DPY19L1: variants seen among roughly 807,000 people sequenced by gnomAD.
DPY19L1 encodes dpy-19 like C-mannosyltransferase 1.
DPY19L1 carries 35 observed loss-of-function variants against 96.9 expected under a neutral mutation model. That is an observed-to-expected ratio of 0.36 (90% CI 0.28 to 0.48). DPY19L1 has a LOEUF of 0.48. Among genes scored for constraint, DPY19L1 ranks in the 20% least tolerant of loss-of-function variants. The pLI is 0.99. For missense variants in DPY19L1, 521 were observed against 777.9 expected (o/e 0.67, Z 3.93); for synonymous variants, 205 against 252.6 (o/e 0.81, Z 1.79).
intron 6 of DPY19L1, among the ~76,000 whole-genome samples, chr7:34,993,935 G>A (rs958795620): frequency 4.6e-5 from 7 of 151,982 alleles, no homozygotes; most frequent in Admixed American, 1.3e-4. Flanking sequence ...GTGTGGTGGC[G>A]CACAACTGTA....
At chr7:35,027,570 C>T (rs1232494023) in intron 1 of DPY19L1, among the ~76,000 whole-genome samples, 1 of 151,596 alleles carries the variant, frequency 6.6e-6, no homozygotes, top group Admixed American at 6.6e-5. Context: ...TGGCTCACGC[C>T]TGTAATCCCA....
intron 1 of DPY19L1, among the ~76,000 whole-genome samples, chr7:35,035,658 T>C (rs572307396): frequency 7.9e-5 from 12 of 152,222 alleles, no homozygotes; most frequent in African/African-American, 2.9e-4. Flanking sequence ...TATCTTCCCA[T>C]GTATCACCCA....
chr7:34,959,912 T>A (rs2392297), intron 10 of DPY19L1, among the ~76,000 whole-genome samples: 1,114 of 13,600 alleles, frequency 0.082, 22 homozygotes, highest in African/African-American at 0.39. Flanking sequence ...TATATATATA[T>A]ATATATATAT....
At chr7:35,037,834 C>G (rs1263195213), upstream of DPY19L1, 3 of 1,230,932 alleles carry the variant, frequency 2.4e-6, no homozygotes, top group Non-Finnish European at 3.0e-6. Flanking sequence ...GGCGCCCGCG[C>G]GGGGCTCGGC....
At position 34,930,222 on chromosome 7, in the gene DPY19L1, A is replaced by G. The variant is rs1345258251; in HGVS notation, c.*1351T>C. 1 of 152,274 alleles carries G rather than the reference A, an allele frequency of 6.6e-6. No individual in the cohort carries two copies. The highest frequency in any genetic ancestry group is 1.5e-5 in the Non-Finnish European group (1 of 68,054). 9.4% of individuals were successfully genotyped at this position (152,274 alleles called of 1,614,324 possible). A position where few individuals can be genotyped will look rare whatever the true frequency, so the allele number is the denominator to read the frequency against. ...TGTCAGCCATAGTCACGCTTTGCTT[A>G]GAATTTAAAACCCTAAAACCTTTTC... On this transcript the variant is annotated 3_prime_UTR_variant, in exon 22 of 22. Transcript: ENST00000638088.
rs116714143 is a variant in DPY19L1, at chr7:34,961,904, C to T, written c.1093-3834G>A. ...TCAACCAAATTAAAACAATGAGATA[C>T]CATTACACATCTACTGGATGCCCAA... is the stretch of plus-strand genomic sequence containing the variant. On this transcript the variant is annotated intron_variant, in intron 10 of 21. Coordinates refer to ENST00000638088, the MANE Select transcript of DPY19L1 (RefSeq NM_001366673.1). 5.9e-3 allele frequency among the ~76,000 whole-genome samples: 892 copies of T among 152,190 alleles called. 10 individuals carry two copies. Among genetic ancestry groups the T allele is most frequent in the African/African-American group, 0.02 (831 of 41,520 alleles).
intron 6 of DPY19L1, among the ~76,000 whole-genome samples, chr7:35,007,129 G>A (rs1584251836): frequency 6.6e-6 from 1 of 151,758 alleles, no homozygotes; most frequent in African/African-American, 2.4e-5. Context: ...ATGTACTTCA[G>A]GTCAAAAAAC....
At chr7:34,951,848 A>G (rs1784272785) in intron 13 of DPY19L1, among the ~76,000 whole-genome samples, 2 of 151,968 alleles carry the variant, frequency 1.3e-5, no homozygotes, top group Non-Finnish European at 1.5e-5. Context: ...TATGGACTCA[A>G]CATAGTAAGA....
chr7:34,960,442 TTTGA>T (rs909469035), intron 10 of DPY19L1, among the ~76,000 whole-genome samples: 4 of 152,122 alleles, frequency 2.6e-5, no homozygotes, highest in African/African-American at 9.7e-5. Flanking sequence ...ATCTTCATAT[TTTGA>T]TTGTTTGTAT....
chr7:35,020,089 C>T (rs1193450197), intron 1 of DPY19L1, among the ~76,000 whole-genome samples: 2 of 152,148 alleles, frequency 1.3e-5, no homozygotes, highest in East Asian at 1.9e-4. Context: ...GCTATGATCA[C>T]ACCACTGTAC....
chr7:34,955,497 ACC>A, intron 11 of DPY19L1, 130 bp from the exon 12 acceptor site: 2 of 1,156,730 alleles, frequency 1.7e-6, no homozygotes, highest in Non-Finnish European at 2.4e-6. Context: ...CTTTCCACAT[ACC>A]ATCCACATGC....
At chr7:34,984,500 G>C (rs1235988038) in intron 7 of DPY19L1, among the ~76,000 whole-genome samples, 1 of 152,188 alleles carries the variant, frequency 6.6e-6, no homozygotes, top group African/African-American at 2.4e-5. Flanking sequence ...ATCCAGCTGG[G>C]CAAGGTCATA....
intron 6 of DPY19L1, among the ~76,000 whole-genome samples, chr7:34,992,543 C>CGT (rs1418946613): frequency 7.5e-6 from 1 of 133,842 alleles, no homozygotes; most frequent in African/African-American, 2.8e-5. Context: ...ACCTTCCTGC[C>CGT]TTTTTTTTTT....
chr7:34,992,140 C>T (rs1300476236), intron 6 of DPY19L1, among the ~76,000 whole-genome samples: 1 of 152,108 alleles, frequency 6.6e-6, no homozygotes, highest in Admixed American at 6.6e-5. Context: ...GTTTCTCCAC[C>T]CCTCGTGCAG....
At chr7:34,996,623 C>G in intron 6 of DPY19L1, among the ~76,000 whole-genome samples, 1 of 152,072 alleles carries the variant, frequency 6.6e-6, no homozygotes, top group East Asian at 1.9e-4. Flanking sequence ...TACCCAAAGC[C>G]TGCTCCCTCT....
In DPY19L1 at chr7:34,982,949, T is replaced by G. The variant is rs1342967963; in HGVS notation, c.822+6935A>C. Among the ~76,000 whole-genome samples the G allele has an allele frequency of 2.0e-5, 3 of 152,140 alleles. No individual in the cohort carries two copies. The South Asian group carries it at 6.2e-4, about 32-fold the overall frequency. On this transcript the variant is annotated intron_variant, in intron 7 of 21. Coordinates refer to ENST00000638088, the MANE Select transcript of DPY19L1 (RefSeq NM_001366673.1). ...AAGCTGAAAACTAACCCCTTCCCAG[T>G]TTAAAGAATGGTAAGATCAAAGGAA...
At chr7:34,946,717 AAGG>A (rs953777515) in intron 15 of DPY19L1, among the ~76,000 whole-genome samples, 10 of 152,202 alleles carry the variant, frequency 6.6e-5, no homozygotes, top group African/African-American at 2.4e-4. Flanking sequence ...ACGATAGGGG[AAGG>A]TGCAGAGCCC....
intron 13 of DPY19L1, among the ~76,000 whole-genome samples, chr7:34,950,182 C>T (rs1784241439): frequency 6.6e-6 from 1 of 152,166 alleles, no homozygotes; most frequent in African/African-American, 2.4e-5. Flanking sequence ...CCTGGTGAAA[C>T]AGGCCGCACA....
rs773640124 is a variant in DPY19L1 at position 35,017,939 on chromosome 7, G to C, written c.354C>G (p.Asp118Glu). 6.2e-7 allele frequency: 1 copy of C among 1,604,752 alleles called. No individual in the cohort carries two copies. The highest frequency in any genetic ancestry group is 1.1e-5 in the South Asian group (1 of 89,816). ...ATGTTGAGAGGTGAGAAAAATGACG[G>C]TCATTTTCAAAGAGGTGTGTTATAT... ...WSHITHLFEN[D>E]RHFSHLSTLE... The change falls in exon 3 of 22, where the codon GAC (aspartate) becomes GAG (glutamate). Residue 118 changes from aspartate (D) to glutamate (E), a missense_variant. By Grantham distance (45) the Asp-to-Glu change is conservative. Transcript: ENST00000638088.
Sources: allele counts gnomAD v4.1 joint callset (sites outside exome capture counted in the v4.1 genomes callset), GRCh38; gene constraint gnomAD v4.1.1; transcripts MANE v1.5; gene names NCBI Gene and HGNC (gene_info 2026-07-23, HGNC 2026-07-21).